Variants in PEX5 observed in about 807,000 individuals in gnomAD.
PEX5 encodes the protein PTS1 receptor.
PEX5 carries 52 observed loss-of-function variants against 82.9 expected under a neutral mutation model. The ratio of observed to expected loss-of-function variants is 0.63; its 90% CI spans 0.50 to 0.79. The LOEUF is 0.79. Among genes scored for constraint, PEX5 ranks in the 30% least tolerant of loss-of-function variants. The pLI, the probability that PEX5 is intolerant of heterozygous loss-of-function variation, is 0.00. For missense variants in PEX5, 719 were observed against 815.2 expected, an observed-to-expected ratio of 0.88 and a Z score of 1.44; for synonymous variants, 300 against 318.8, an observed-to-expected ratio of 0.94 and a Z score of 0.63.
downstream of PEX5, among the ~76,000 whole-genome samples, chr12:7,212,486 A>AAACAAAAAAAAAAAAAAAAAAAAC (rs1555184620): frequency 1.0e-5 from 1 of 97,824 alleles, no homozygotes; most frequent in African/African-American, 4.1e-5. Flanking sequence ...AAAAAAAAAA[A>AAACAAAAAAAAAAAAAAAAAAAAC]AACCCAAAAA....
chr12:7,213,425 G>T (rs868573124), downstream of PEX5, among the ~76,000 whole-genome samples: 1 of 111,458 alleles, frequency 9.0e-6, no homozygotes, highest in African/African-American at 3.4e-5. Flanking sequence ...AAATAACACC[G>T]CATATCTACA....
At chr12:7,212,264 CA>C (rs1430656226), downstream of PEX5, among the ~76,000 whole-genome samples, 1 of 149,170 alleles carries the variant, frequency 6.7e-6, no homozygotes, top group Non-Finnish European at 1.5e-5. Flanking sequence ...CGTGCCCAGC[CA>C]AAAAAAAGTC....
chr12:7,201,091 A>C (rs866874195), intron 6 of PEX5, among the ~76,000 whole-genome samples: 1 of 152,214 alleles, frequency 6.6e-6, no homozygotes, highest in Middle Eastern at 3.4e-3. Context: ...GGAACACAGT[A>C]AGACCTTGTC....
At chr12:7,215,419 T>C (rs1253787657), downstream of PEX5, among the ~76,000 whole-genome samples, 2 of 152,186 alleles carry the variant, frequency 1.3e-5, no homozygotes, top group East Asian at 3.8e-4. Context: ...AATAAATCAC[T>C]ACCCAAAAGA....
At chr12:7,199,383 G>C (rs1257297170) in intron 6 of PEX5, among the ~76,000 whole-genome samples, 1 of 149,624 alleles carries the variant, frequency 6.7e-6, no homozygotes, top group African/African-American at 2.5e-5. Context: ...CTGGGTACTT[G>C]AGATTAGGGA....
At position 7,199,884 on chromosome 12, in the gene PEX5, A is replaced by AC. The variant is rs1464718412; in HGVS notation, c.551+776dup. Reference sequence around the variant, plus strand: ...GGGCGGCTGGCCGGGCAGGGGGCTGACCCCCACCTCCCTCCCGGACGGGGC... The same window carrying AC: ...GGGCGGCTGGCCGGGCAGGGGGCTGACCCCCCACCTCCCTCCCGGACGGGGC... On this transcript the variant is annotated intron_variant, in intron 6 of 15. Transcript: ENST00000675855. Among the ~76,000 whole-genome samples the AC allele has an allele frequency of 4.8e-4, 9 of 18,734 alleles. 1 individual carries two copies. Among genetic ancestry groups the AC allele is most frequent in the Admixed American group, 2.8e-3 (4 of 1,414 alleles). The allele number at this position is 18,734 out of a possible 152,430, so 12.3% of individuals were successfully genotyped here.
At position 7,208,733 on chromosome 12, in the gene PEX5, C is replaced by T. The variant is rs1945144218; in HGVS notation, c.1394+64C>T. 3 of 1,419,286 alleles carry T rather than the reference C, an allele frequency of 2.1e-6. No individual in the cohort carries two copies. In the South Asian group the frequency reaches 3.5e-5, roughly 16 times the overall value. 87.9% of individuals were successfully genotyped at this position (1,419,286 alleles called of 1,614,324 possible). On this transcript the variant is annotated intron_variant, in intron 13 of 15. Coordinates refer to ENST00000675855, the MANE Select transcript of PEX5 (RefSeq NM_001351132.2). Reference sequence around the variant, plus strand: ...ACCTAAGTCCCAGTAGGAGGGTGACCTTGGTTTTGGAAGTTTGGATGGATT... The same window carrying T: ...ACCTAAGTCCCAGTAGGAGGGTGACTTTGGTTTTGGAAGTTTGGATGGATT...
At chr12:7,211,924 T>C (rs937476185), downstream of PEX5, among the ~76,000 whole-genome samples, 1 of 151,670 alleles carries the variant, frequency 6.6e-6, no homozygotes, top group African/African-American at 2.4e-5. Context: ...TGGAGATAGA[T>C]GTTTGTGGGC....
At chr12:7,211,619 G>C (rs756335456), downstream of PEX5, 1 of 151,942 alleles carries the variant, frequency 6.6e-6, no homozygotes, top group Non-Finnish European at 1.5e-5. Context: ...ATAGAGCACA[G>C]GAGACAGGGT....
intron 7 of PEX5, 120 bp downstream of exon 7, chr12:7,201,961 C>T: frequency 1.3e-6 from 1 of 797,882 alleles, no homozygotes; most frequent in South Asian, 1.4e-5. Context: ...TCTCTTCGTT[C>T]CTGTCTATAG....
At chr12:7,214,756 G>A (rs1039226137), downstream of PEX5, among the ~76,000 whole-genome samples, 1 of 152,002 alleles carries the variant, frequency 6.6e-6, no homozygotes, top group African/African-American at 2.4e-5. Context: ...TTAAAAAATT[G>A]TGAATGTTAC....
downstream of PEX5, among the ~76,000 whole-genome samples, chr12:7,211,643 G>C (rs1000546594): frequency 2.1e-5 from 3 of 145,876 alleles, no homozygotes; most frequent in African/African-American, 8.4e-5. Flanking sequence ...TGTTCTCTGG[G>C]CCTCTGGGCT....
chr12:7,216,714 A>C (rs1945790688), intron 17 of PEX5, among the ~76,000 whole-genome samples: 1 of 152,200 alleles, frequency 6.6e-6, no homozygotes, highest in Admixed American at 6.5e-5. Flanking sequence ...ACTTAGACCC[A>C]AAACTTTTTG....
upstream of PEX5, chr12:7,189,676 T>TC (rs1940511162): frequency 5.6e-6 from 2 of 355,020 alleles, no homozygotes; most frequent in South Asian, 2.8e-4. Context: ...GCCCCCTGGC[T>TC]CCCCGCCCCC....
At chr12:7,217,375 C>T (rs1945808832) in intron 17 of PEX5, among the ~76,000 whole-genome samples, 1 of 152,230 alleles carries the variant, frequency 6.6e-6, no homozygotes, top group South Asian at 2.1e-4. Flanking sequence ...CTGGGCGCTT[C>T]TTCGCTGTAC....
chr12:7,204,739 T>C (rs766752355), intron 10 of PEX5, among the ~76,000 whole-genome samples: 5 of 152,366 alleles, frequency 3.3e-5, no homozygotes, highest in African/African-American at 1.2e-4. Flanking sequence ...TTCATACATA[T>C]AGACATAATA....
At chr12:7,191,417 G>T in intron 4 of PEX5, 59 bp downstream of exon 4, 1 of 1,610,994 alleles carries the variant, frequency 6.2e-7, no homozygotes, top group Non-Finnish European at 8.5e-7. Flanking sequence ...GGCCAAGGAA[G>T]GGGGTTCCAT....
chr12:7,198,101 A>C (rs965552084), intron 5 of PEX5, among the ~76,000 whole-genome samples: 4 of 152,092 alleles, frequency 2.6e-5, no homozygotes, highest in African/African-American at 9.7e-5. Flanking sequence ...GATGAAAAAC[A>C]GTTCAGCACC....
chr12:7,190,961 T>C, intron 3 of PEX5, 38 bp downstream of exon 3: 1 of 1,588,856 alleles, frequency 6.3e-7, no homozygotes, highest in East Asian at 2.2e-5. Context: ...CATTTTTCTC[T>C]TGCCCACTGT....
Sources: allele counts gnomAD v4.1 joint callset (sites outside exome capture counted in the v4.1 genomes callset), GRCh38; gene constraint gnomAD v4.1.1; transcripts MANE v1.5; gene names NCBI Gene and HGNC (gene_info 2026-07-23, HGNC 2026-07-21).